SLC12A7: variants seen among roughly 807,000 people sequenced by gnomAD.
SLC12A7 encodes K-Cl cotransporter 4.
In SLC12A7, 100 loss-of-function variants were observed where a neutral mutation model predicts 120.6. The ratio of observed to expected loss-of-function variants is 0.83; its 90% CI spans 0.71 to 0.98. The LOEUF is 0.98. Ranked by LOEUF, SLC12A7 falls within the 50% of genes least tolerant of loss-of-function variation. The pLI is 0.00. For missense variants in SLC12A7, 1,373 were observed against 1,548.1 expected (o/e 0.89, Z 1.90); for synonymous variants, 760 against 678.0 (o/e 1.12, Z -1.88).
intron 1 of SLC12A7, among the ~76,000 whole-genome samples, chr5:1,108,029 T>TAC (rs59652318): frequency 2.0e-5 from 3 of 151,378 alleles, no homozygotes; most frequent in Non-Finnish European, 1.5e-5. Flanking sequence ...AACACACACA[T>TAC]ACACACACAC....
At chr5:1,076,584 A>G in intron 13 of SLC12A7, 110 bp downstream of exon 13, 1 of 793,258 alleles carries the variant, frequency 1.3e-6, no homozygotes, top group African/African-American at 1.7e-5. Context: ...GACTGCCCAC[A>G]GCTGGCCATG....
At chr5:1,089,924 C>T (rs1740305342) in intron 3 of SLC12A7, among the ~76,000 whole-genome samples, 1 of 152,268 alleles carries the variant, frequency 6.6e-6, no homozygotes, top group Non-Finnish European at 1.5e-5. Context: ...CCGCCATGAG[C>T]AGAGGCACGT....
the SLC12A7 span, among the ~76,000 whole-genome samples, chr5:1,126,399 C>G: frequency 6.6e-6 from 1 of 152,212 alleles, no homozygotes; most frequent in East Asian, 1.9e-4. Flanking sequence ...CCTACCTATT[C>G]TTTTTAATGT....
In SLC12A7 at chr5:1,083,922, G is replaced by T; in HGVS notation, c.952C>A (p.Arg318Ser). The T allele has an allele frequency of 6.2e-7, 1 of 1,605,864 alleles. No homozygotes were observed. The change falls in exon 8 of 24, where the codon CGC becomes AGC. Residue 318 changes from arginine (R) to serine (S), a missense_variant. By Grantham distance (110) the Arg-to-Ser change is moderately radical. Transcript: ENST00000264930. Reference protein sequence around the residue: ...CLLGNRTLSRRSFDACVKAYG... With the variant: ...CLLGNRTLSRSSFDACVKAYG... ...GCCTTGACGCAGGCATCGAAGCTGC[G>T]CCGTGACAGCGTGCGGTTCCCCAGG... is the stretch of plus-strand genomic sequence containing the variant.
At chr5:1,102,378 C>G (rs575191725) in intron 1 of SLC12A7, among the ~76,000 whole-genome samples, 4 of 152,358 alleles carry the variant, frequency 2.6e-5, no homozygotes, top group African/African-American at 9.6e-5. Context: ...GCCTCCCTAT[C>G]TCCAGGCACA....
At chr5:1,122,754 T>C in the SLC12A7 span, among the ~76,000 whole-genome samples, 54 of 152,360 alleles carry the variant, frequency 3.5e-4, 1 homozygote, top group East Asian at 6.8e-3. Context: ...CAGCATCTCT[T>C]TCATTTTCTC....
Position 1,087,007 on chromosome 5 carries a change from G to A in SLC12A7, c.571C>T (p.Arg191Cys). 6 of 1,612,692 alleles carry A rather than the reference G, an allele frequency of 3.7e-6. No individual in the cohort carries two copies. Among genetic ancestry groups the A allele is most frequent in the South Asian group, 1.1e-5 (1 of 91,044 alleles). ...PAGGSYYMISRSLGPEFGGAV... is the reference protein window; with the variant it reads ...PAGGSYYMISCSLGPEFGGAV... ...CCTCCAAACTCGGGTCCCAGCGAGCGCGATATCATGTAGTAGGACCCGCCA... is the reference window on the plus strand; with the variant it reads ...CCTCCAAACTCGGGTCCCAGCGAGCACGATATCATGTAGTAGGACCCGCCA... The change falls in exon 6 of 24, where the codon CGC becomes TGC. Residue 191 changes from arginine to cysteine, a missense_variant. Arg to Cys is a radical substitution (Grantham distance 180). Coordinates refer to ENST00000264930, the MANE Select transcript of SLC12A7 (RefSeq NM_006598.3).
intron 15 of SLC12A7, among the ~76,000 whole-genome samples, chr5:1,074,883 G>A (rs1738149998): frequency 6.6e-6 from 1 of 152,192 alleles, no homozygotes. Flanking sequence ...GGCTGTGGAG[G>A]GAACGAGGTC....
chr5:1,075,833 C>T (rs1429607292), intron 14 of SLC12A7: 22 of 504,886 alleles, frequency 4.4e-5, no homozygotes, highest in African/African-American at 5.7e-5. Flanking sequence ...TGATGGGCTA[C>T]GCCCCAAGCC....
At chr5:1,095,447 CCAGGGCCCT>C (rs939640404) in intron 1 of SLC12A7, among the ~76,000 whole-genome samples, 2 of 152,204 alleles carry the variant, frequency 1.3e-5, no homozygotes, top group African/African-American at 4.8e-5. Flanking sequence ...CCCACGCACC[CCAGGGCCCT>C]CAGGGCCCTC....
At chr5:1,102,251 C>T (rs1328403220) in intron 1 of SLC12A7, among the ~76,000 whole-genome samples, 2 of 152,184 alleles carry the variant, frequency 1.3e-5, no homozygotes, top group Non-Finnish European at 2.9e-5. Context: ...GTGTCAGATC[C>T]CTGACCCATC....
At chr5:1,079,625 A>C (rs565321831) in intron 9 of SLC12A7, 129 bp from the exon 10 acceptor site, 1 of 744,474 alleles carries the variant, frequency 1.3e-6, no homozygotes, top group Admixed American at 2.3e-5. Flanking sequence ...CCGAGGCTGC[A>C]GTCCAAGCTC....
At chr5:1,132,711 C>T in the SLC12A7 span, among the ~76,000 whole-genome samples, 24 of 152,148 alleles carry the variant, frequency 1.6e-4, no homozygotes, top group African/African-American at 5.8e-4. Flanking sequence ...TGGCGTGCTC[C>T]GGCCCCTCCT....
chr5:1,093,802 G>T, intron 2 of SLC12A7, 147 bp from the exon 3 acceptor site: 2 of 1,259,982 alleles, frequency 1.6e-6, no homozygotes, highest in Non-Finnish European at 2.2e-6. Context: ...CTGGACACCT[G>T]TGTGGCAGGT....
At chr5:1,149,074 T>C in the SLC12A7 span, among the ~76,000 whole-genome samples, 1 of 146,778 alleles carries the variant, frequency 6.8e-6, no homozygotes, top group South Asian at 2.2e-4. Context: ...GGAACATGGA[T>C]GTGCAAATGT....
the SLC12A7 span, among the ~76,000 whole-genome samples, chr5:1,146,284 G>T: frequency 6.6e-6 from 1 of 152,152 alleles, no homozygotes; most frequent in South Asian, 2.1e-4. This position sits in a 1 kb window ranked among gnomAD's most constrained non-coding sequence, Gnocchi z 6.5. Flanking sequence ...TGGGCTTTTG[G>T]AGTGGAGTTG....
At chr5:1,131,866 G>A in the SLC12A7 span, among the ~76,000 whole-genome samples, 4 of 152,180 alleles carry the variant, frequency 2.6e-5, no homozygotes, top group Admixed American at 1.3e-4. Context: ...CTTCCCAGGT[G>A]GGGCCCAGCG....
the SLC12A7 span, among the ~76,000 whole-genome samples, chr5:1,151,270 A>G: frequency 2.0e-5 from 3 of 152,198 alleles, no homozygotes; most frequent in Admixed American, 1.3e-4. This position sits in a 1 kb window ranked among gnomAD's most constrained non-coding sequence, Gnocchi z 6.2. Flanking sequence ...CAAAAACCCA[A>G]CACGCTCCAC....
the SLC12A7 span, among the ~76,000 whole-genome samples, chr5:1,144,861 C>A: frequency 1.6e-4 from 25 of 152,340 alleles, no homozygotes; most frequent in African/African-American, 5.5e-4. Flanking sequence ...GGCCTCCGAG[C>A]GGCAGAAAGC....
Sources: allele counts gnomAD v4.1 joint callset (sites outside exome capture counted in the v4.1 genomes callset), GRCh38; gene constraint gnomAD v4.1.1; non-coding constraint Gnocchi (gnomAD v3.1); transcripts MANE v1.5; gene names NCBI Gene and HGNC (gene_info 2026-07-23, HGNC 2026-07-21).